The following SNX29 variants were observed in gnomAD, a reference collection of about 807,000 sequenced individuals.
SNX29 encodes sorting nexin 29.
In SNX29, 78 loss-of-function variants were observed where a neutral mutation model predicts 102.1. That is an observed-to-expected ratio of 0.76 (90% CI 0.64 to 0.92). SNX29 has a LOEUF of 0.92. Ranked by LOEUF, SNX29 falls within the 40% of genes least tolerant of loss-of-function variation. The probability of loss-of-function intolerance (pLI) is 0.00; values close to 1 mark genes in which losing one functional copy is unlikely to be tolerated. For missense variants in SNX29, 1,280 were observed against 1,061.7 expected (o/e 1.21, Z -2.86); for synonymous variants, 580 against 414.5 (o/e 1.40, Z -4.85).
intron 9 of SNX29, among the ~76,000 whole-genome samples, chr16:12,064,934 C>T (rs544109999): frequency 6.6e-6 from 1 of 152,328 alleles, no homozygotes; most frequent in African/African-American, 2.4e-5. Context: ...ATGGAGGGCT[C>T]CTCACCTTAG....
chr16:12,043,347 C>T (rs1182527045), intron 5 of SNX29, among the ~76,000 whole-genome samples: 2 of 151,266 alleles, frequency 1.3e-5, no homozygotes, highest in African/African-American at 4.9e-5. Flanking sequence ...TTCCTCTTCA[C>T]TTTCTGGATT....
chr16:12,538,198 C>G (rs185535802), intron 20 of SNX29, among the ~76,000 whole-genome samples: 4 of 152,256 alleles, frequency 2.6e-5, no homozygotes, highest in Middle Eastern at 3.4e-3. Context: ...TCACCGCAAG[C>G]TCTGTGTTCT....
At chr16:12,262,802 A>G (rs944256606) in intron 14 of SNX29, among the ~76,000 whole-genome samples, 4 of 152,240 alleles carry the variant, frequency 2.6e-5, no homozygotes, top group African/African-American at 9.6e-5. Context: ...TTCTAAGTGT[A>G]TAATTCATTG....
chr16:12,562,839 A>G (rs1023180781), intron 20 of SNX29, among the ~76,000 whole-genome samples: 9 of 152,222 alleles, frequency 5.9e-5, no homozygotes, highest in South Asian at 2.1e-4. Flanking sequence ...GCATTCCCCT[A>G]TAGGCAACCC....
chr16:12,505,609 C>T (rs1397894562), intron 19 of SNX29, among the ~76,000 whole-genome samples: 1 of 152,110 alleles, frequency 6.6e-6, no homozygotes, highest in Non-Finnish European at 1.5e-5. Flanking sequence ...ATAGTTAGCT[C>T]ACGTGCTTCC....
intron 1 of SNX29, among the ~76,000 whole-genome samples, chr16:11,996,344 A>G (rs1205190398): frequency 6.6e-6 from 1 of 152,178 alleles, no homozygotes; most frequent in African/African-American, 2.4e-5. Flanking sequence ...TGATTGTGCC[A>G]CTTACTCTAG....
intron 14 of SNX29, among the ~76,000 whole-genome samples, chr16:12,261,538 G>A (rs1456951494): frequency 1.1e-4 from 15 of 135,160 alleles, no homozygotes; most frequent in African/African-American, 4.0e-4. Flanking sequence ...ACGTGTCCCC[G>A]GCTGGAGTAA....
At chr16:12,355,238 A>G (rs1333768508) in intron 15 of SNX29, among the ~76,000 whole-genome samples, 1 of 152,192 alleles carries the variant, frequency 6.6e-6, no homozygotes, top group Non-Finnish European at 1.5e-5. Flanking sequence ...AACAACAAAA[A>G]AAGAGGGCTC....
At chr16:12,038,693 A>C (rs2057545573) in intron 4 of SNX29, 2 of 152,192 alleles carry the variant, frequency 1.3e-5, no homozygotes. Context: ...AGCAGTAAGC[A>C]ATTTGCAGAA....
intron 15 of SNX29, among the ~76,000 whole-genome samples, chr16:12,321,687 A>C (rs545044826): frequency 6.6e-6 from 1 of 152,156 alleles, no homozygotes; most frequent in Non-Finnish European, 1.5e-5. Flanking sequence ...TGGGCCTCCA[A>C]CCAGCCTGTG....
At chr16:12,517,104 G>A (rs1323109475) in intron 19 of SNX29, among the ~76,000 whole-genome samples, 1 of 152,176 alleles carries the variant, frequency 6.6e-6, no homozygotes, top group Non-Finnish European at 1.5e-5. Flanking sequence ...CATTGACGAT[G>A]GCGTTATGGT....
chr16:12,564,568 T>C (rs2078911347), intron 20 of SNX29, among the ~76,000 whole-genome samples: 3 of 152,218 alleles, frequency 2.0e-5, no homozygotes, highest in Admixed American at 2.0e-4. Context: ...TCTTATGGAT[T>C]GCCATCCAGA....
At chr16:11,992,223 G>A (rs1463747078) in intron 1 of SNX29, among the ~76,000 whole-genome samples, 14 of 152,118 alleles carry the variant, frequency 9.2e-5, no homozygotes, top group Non-Finnish European at 1.9e-4. Flanking sequence ...GAGCCCTGGA[G>A]TTGGAGGCTG....
chr16:12,117,205 C>G (rs201113570), intron 11 of SNX29, among the ~76,000 whole-genome samples: 18 of 121,212 alleles, frequency 1.5e-4, no homozygotes, highest in East Asian at 6.2e-4. Context: ...CGCGGATGAA[C>G]CGTGGAAACA....
In SNX29 at chr16:12,572,890, C is replaced by A; in HGVS notation, c.*4261C>A. On this transcript the variant is annotated 3_prime_UTR_variant, in exon 21 of 21. Coordinates refer to ENST00000566228, the MANE Select transcript of SNX29 (RefSeq NM_032167.5). ...AATGATTGTCTTGACTCTGCCTTGG[C>A]ATTTCGCTCGGAATCACGGCAGACT... The A allele has an allele frequency of 9.5e-7, 1 of 1,048,614 alleles. No individual in the cohort carries two copies. The highest frequency in any genetic ancestry group is 5.0e-5 in the East Asian group (1 of 19,806). 65.0% of individuals were successfully genotyped at this position (1,048,614 alleles called of 1,614,324 possible). A position where few individuals can be genotyped will look rare whatever the true frequency, so the allele number is the denominator to read the frequency against.
At chr16:12,352,802 TG>T (rs2082024001) in intron 15 of SNX29, among the ~76,000 whole-genome samples, 1 of 152,238 alleles carries the variant, frequency 6.6e-6, no homozygotes, top group Non-Finnish European at 1.5e-5. Flanking sequence ...TATCTCCACC[TG>T]GCATTTACTT....
intron 18 of SNX29, among the ~76,000 whole-genome samples, chr16:12,458,562 G>A (rs2086634345): frequency 6.6e-6 from 1 of 152,126 alleles, no homozygotes; most frequent in Non-Finnish European, 1.5e-5. Flanking sequence ...GTTTCTAGAG[G>A]GAGAAAGGAA....
At position 12,349,468 on chromosome 16, in the gene SNX29, C is replaced by G. The variant is rs2081932596; in HGVS notation, c.1783-6695C>G. 2.6e-5 allele frequency among the ~76,000 whole-genome samples: 4 copies of G among 152,220 alleles called. No individual in the cohort carries two copies. In the South Asian group the frequency reaches 6.2e-4, roughly 24 times the overall value. On this transcript the variant is annotated intron_variant, in intron 15 of 20. Transcript: ENST00000566228. The stretch of plus-strand genomic sequence containing the variant: ...TGTACAGGTTGAGCATCCCAAATCC[C>G]AAAATCCCAAATTCAAAATATTCCG...
intron 18 of SNX29, among the ~76,000 whole-genome samples, chr16:12,473,353 A>G (rs1370145896): frequency 6.6e-6 from 1 of 152,184 alleles, no homozygotes; most frequent in Non-Finnish European, 1.5e-5. Context: ...AGAGGCACAA[A>G]TGAGGTGAGA....
Sources: gnomAD v4.1 joint callset for allele counts (sites outside exome capture counted in the v4.1 genomes callset) on GRCh38, gnomAD v4.1.1 for gene constraint, MANE v1.5 for transcripts, NCBI Gene and HGNC (gene_info 2026-07-23, HGNC 2026-07-21) for gene names.